Variants in PARD3 observed in about 807,000 individuals in gnomAD.
The protein encoded by PARD3 is partitioning defective 3 homolog.
In PARD3, 75 loss-of-function variants were observed where a neutral mutation model predicts 155.4. That is an observed-to-expected ratio of 0.48 (90% CI 0.40 to 0.58). The LOEUF (loss-of-function observed/expected upper bound fraction) is 0.58. PARD3 is among the 20% of genes least tolerant of loss of function. The probability of loss-of-function intolerance (pLI) is 0.00; values close to 1 mark genes in which losing one functional copy is unlikely to be tolerated. For missense variants in PARD3, 1,642 were observed against 1,721.7 expected, an observed-to-expected ratio of 0.95 and a Z score of 0.82; for synonymous variants, 576 against 610.5, an observed-to-expected ratio of 0.94 and a Z score of 0.83.
chr10:34,502,160 A>C (rs566261758), intron 3 of PARD3, among the ~76,000 whole-genome samples: 2 of 152,344 alleles, frequency 1.3e-5, no homozygotes, highest in South Asian at 2.1e-4. Flanking sequence ...ATTCTGTTGA[A>C]GCAGCCTGAA....
At chr10:34,545,884 T>C (rs929248568) in intron 2 of PARD3, among the ~76,000 whole-genome samples, 2 of 152,202 alleles carry the variant, frequency 1.3e-5, no homozygotes, top group Middle Eastern at 3.4e-3. Context: ...TTAAAACCTA[T>C]GTAGTTATTA....
chr10:34,541,182 ATT>A (rs1234318440), intron 2 of PARD3, among the ~76,000 whole-genome samples: 1 of 152,212 alleles, frequency 6.6e-6, no homozygotes, highest in Non-Finnish European at 1.5e-5. Flanking sequence ...AGGATGGTTT[ATT>A]TATTCCCTAG....
intron 3 of PARD3, among the ~76,000 whole-genome samples, chr10:34,504,871 T>C (rs1159038889): frequency 6.6e-6 from 1 of 152,068 alleles, no homozygotes; most frequent in Non-Finnish European, 1.5e-5. Context: ...AAACGTATTA[T>C]CAAGAAGTAA....
At chr10:34,738,314 A>G (rs2094951333) in intron 1 of PARD3, among the ~76,000 whole-genome samples, 1 of 152,218 alleles carries the variant, frequency 6.6e-6, no homozygotes, top group African/African-American at 2.4e-5. Context: ...TACTAGATCC[A>G]TCTACTCAGA....
chr10:34,449,642 T>A (rs2076953301), intron 5 of PARD3, among the ~76,000 whole-genome samples: 2 of 115,342 alleles, frequency 1.7e-5, no homozygotes, highest in South Asian at 5.2e-4. Flanking sequence ...AGATACATTC[T>A]GAGTCTTCCA....
intron 2 of PARD3, among the ~76,000 whole-genome samples, chr10:34,635,629 G>A (rs1472093325): frequency 1.2e-4 from 19 of 152,172 alleles, no homozygotes; most frequent in Admixed American, 1.2e-3. Flanking sequence ...ATTCCTTGAG[G>A]TTGGTCAACT....
At chr10:34,545,064 G>C (rs915446380) in intron 2 of PARD3, among the ~76,000 whole-genome samples, 35 of 152,170 alleles carry the variant, frequency 2.3e-4, no homozygotes, top group African/African-American at 8.4e-4. Flanking sequence ...TCTATCACAT[G>C]AGCTTCAAAA....
At chr10:34,464,008 G>A (rs1424722576) in intron 4 of PARD3, among the ~76,000 whole-genome samples, 1 of 151,888 alleles carries the variant, frequency 6.6e-6, no homozygotes, top group Non-Finnish European at 1.5e-5. Context: ...GCCTAACAAT[G>A]CAATTCTCAG....
chr10:34,196,697 C>T (rs1411261493), intron 22 of PARD3, among the ~76,000 whole-genome samples: 1 of 151,588 alleles, frequency 6.6e-6, no homozygotes, highest in Non-Finnish European at 1.5e-5. Flanking sequence ...CCTCAGCCTC[C>T]CGAGTAGCTG....
intron 22 of PARD3, among the ~76,000 whole-genome samples, chr10:34,166,627 T>TA (rs200039992): frequency 5.8e-4 from 82 of 141,886 alleles, no homozygotes; most frequent in South Asian, 2.0e-3. Flanking sequence ...AGATCCTGTC[T>TA]AAAAAAAAAA....
intron 1 of PARD3, among the ~76,000 whole-genome samples, chr10:34,735,225 A>G (rs1564561771): frequency 6.6e-6 from 1 of 152,226 alleles, no homozygotes; most frequent in Non-Finnish European, 1.5e-5. Context: ...ATAATAAGAC[A>G]TAAGTTGTAT....
intron 23 of PARD3, among the ~76,000 whole-genome samples, chr10:34,129,671 T>C (rs1157479405): frequency 3.5e-5 from 4 of 113,280 alleles, no homozygotes; most frequent in South Asian, 2.5e-4. Flanking sequence ...TCAAATCAAA[T>C]GTTCCTTTTT....
At chr10:34,449,459 G>T (rs1263465015) in intron 5 of PARD3, among the ~76,000 whole-genome samples, 2 of 142,020 alleles carry the variant, frequency 1.4e-5, no homozygotes, top group Non-Finnish European at 3.0e-5. Context: ...TTGGAGGTGG[G>T]GGGAGGGGGG....
chr10:34,167,262 A>G (rs1949575357), intron 22 of PARD3, among the ~76,000 whole-genome samples: 2 of 152,154 alleles, frequency 1.3e-5, no homozygotes, highest in South Asian at 4.1e-4. Flanking sequence ...TTAGCTCAAA[A>G]TTACACAGAA....
At chr10:34,499,491 T>A (rs2080528282) in intron 3 of PARD3, among the ~76,000 whole-genome samples, 1 of 152,032 alleles carries the variant, frequency 6.6e-6, no homozygotes, top group African/African-American at 2.4e-5. Context: ...GTATACAAAT[T>A]GAAACAGATT....
At chr10:34,718,356 G>A (rs1365589087) in intron 1 of PARD3, among the ~76,000 whole-genome samples, 1 of 151,874 alleles carries the variant, frequency 6.6e-6, no homozygotes, top group African/African-American at 2.4e-5. Flanking sequence ...CAAAGGTGAG[G>A]AGGTCAAAAC....
intron 2 of PARD3, among the ~76,000 whole-genome samples, chr10:34,586,088 A>C (rs369040777): frequency 2.6e-5 from 4 of 152,226 alleles, no homozygotes; most frequent in Non-Finnish European, 5.9e-5. Context: ...AAAAAAAGTA[A>C]GTCATATCAA....
At chr10:34,403,681 A>G (rs545284710) in intron 5 of PARD3, among the ~76,000 whole-genome samples, 2 of 152,290 alleles carry the variant, frequency 1.3e-5, no homozygotes, top group Admixed American at 1.3e-4. Flanking sequence ...AGAGGCTCTA[A>G]TATGTACTTC....
chr10:34,702,738 G>A (rs2094302899), intron 1 of PARD3, among the ~76,000 whole-genome samples: 2 of 152,234 alleles, frequency 1.3e-5, no homozygotes, highest in South Asian at 2.1e-4. Flanking sequence ...AAAAGGCAGG[G>A]GGGAATCTGG....
Sources: gnomAD v4.1 joint callset for allele counts (sites outside exome capture counted in the v4.1 genomes callset) on GRCh38, gnomAD v4.1.1 for gene constraint, MANE v1.5 for transcripts, NCBI Gene and HGNC (gene_info 2026-07-23, HGNC 2026-07-21) for gene names.